The following CTRB2 variants were observed in gnomAD, a reference collection of about 807,000 sequenced individuals.
CTRB2 encodes the protein chymotrypsinogen B2.
A neutral mutation model predicts 19.3 loss-of-function variants in CTRB2; 9 were observed. The observed-to-expected ratio is 0.47, with a 90% CI of 0.28 to 0.81. The LOEUF is 0.81. Ranked by LOEUF, CTRB2 falls within the 40% of genes least tolerant of loss-of-function variation. CTRB2 has a pLI of 0.11. For missense variants in CTRB2, 210 were observed against 269.7 expected (o/e 0.78, Z 1.55); for synonymous variants, 98 against 117.3 (o/e 0.84, Z 1.06).
intron 6 of CTRB2, 33 bp from the exon 7 acceptor site, chr16:75,204,355 G>C (rs76251204): frequency 6.2e-6 from 10 of 1,609,078 alleles, no homozygotes; most frequent in South Asian, 1.1e-5. Flanking sequence ...CTCTAGGCCT[G>C]AAAGGGGTGC....
Position 75,204,129 on chromosome 16 carries a change from A to G in CTRB2, c.*32T>C. The G allele has an allele frequency of 6.2e-7, 1 of 1,613,918 alleles. No individual in the cohort carries two copies. Among genetic ancestry groups the G allele is most frequent in the Non-Finnish European group, 8.5e-7 (1 of 1,179,808 alleles). ...TCTAAACAGATGCATTTAATGGGAA[A>G]TCTTAAGGCAGGGGTGGCAGGAGCT... On this transcript the variant is annotated 3_prime_UTR_variant, in exon 7 of 7. Coordinates refer to ENST00000303037, the MANE Select transcript of CTRB2 (RefSeq NM_001025200.4).
rs1312954938 is a variant in CTRB2, at chr16:75,204,902, G to GT, written c.500dup (p.Asn167LysfsTer5). On this transcript the variant is annotated frameshift_variant, in exon 6 of 7. Transcript: ENST00000303037. LOFTEE classifies it high-confidence loss of function. ...CCTGCTGCAGCTTGTCAGGGGTCTT[G>GT]TTGGCTGCAGGACAGGAGGAGGGTC... 9.4e-7 allele frequency: 1 copy of GT among 1,062,332 alleles called. No homozygotes were observed. The highest frequency in any genetic ancestry group is 1.9e-5 in the African/African-American group (1 of 52,688). The allele number at this position is 1,062,332 out of a possible 1,614,324, so 65.8% of individuals were successfully genotyped here.
chr16:75,204,406 G>A, intron 6 of CTRB2, 84 bp from the exon 7 acceptor site: 2 of 1,365,570 alleles, frequency 1.5e-6, no homozygotes, highest in South Asian at 1.3e-5. Flanking sequence ...TCTAGGGAGG[G>A]GTGCGGAGAA....
intron 1 of CTRB2, 167 bp from the exon 2 acceptor site, chr16:75,206,360 C>T: frequency 1.5e-6 from 1 of 688,016 alleles, no homozygotes. Context: ...GCTGGAATCC[C>T]CAGGTACAAC....
chr16:75,204,404 G>C, intron 6 of CTRB2, 82 bp from the exon 7 acceptor site: 1 of 1,371,354 alleles, frequency 7.3e-7, no homozygotes, highest in Middle Eastern at 1.9e-4. Flanking sequence ...AGTCTAGGGA[G>C]GGGTGCGGAG....
chr16:75,204,942 C>T, intron 5 of CTRB2, 36 bp from the exon 6 acceptor site: 1 of 751,842 alleles, frequency 1.3e-6, no homozygotes, highest in Non-Finnish European at 2.0e-6. Context: ...CCCCTGGGCT[C>T]ACTCAGCCAA....
At chr16:75,206,918 G>C in intron 1 of CTRB2, 172 bp downstream of exon 1, 1 of 648,162 alleles carries the variant, frequency 1.5e-6, no homozygotes, top group South Asian at 1.7e-5. Flanking sequence ...GAGCCTGGGA[G>C]GGAGGCATTG....
Position 75,204,340 on chromosome 16 carries a change from A to G in CTRB2, c.631-18T>C. On this transcript the variant is annotated intron_variant, in intron 6 of 6. Transcript: ENST00000303037. ...GAGTCACCCTGCAGGAAGGAGAGGA[A>G]GTATCTCTAGGCCTGAAAGGGGTGC... is the stretch of plus-strand genomic sequence containing the variant. 5 of 1,613,208 alleles carry G rather than the reference A, an allele frequency of 3.1e-6. No homozygotes were observed. In the South Asian group the frequency reaches 5.5e-5, roughly 18 times the overall value.
intron 6 of CTRB2, 159 bp downstream of exon 6, chr16:75,204,614 C>A: frequency 7.1e-7 from 1 of 1,416,832 alleles, no homozygotes; most frequent in South Asian, 1.4e-5. Flanking sequence ...GCTGCATGGC[C>A]TGGAGGAACC....
At chr16:75,206,625 T>C (rs922400403) in intron 1 of CTRB2, 3 of 303,332 alleles carry the variant, frequency 9.9e-6, no homozygotes, top group Non-Finnish European at 1.9e-5. Flanking sequence ...GCGCCAGCTC[T>C]GCGCCTGGCA....
intron 1 of CTRB2, chr16:75,206,830 C>T (rs2038900313): frequency 9.9e-6 from 5 of 505,778 alleles, no homozygotes; most frequent in East Asian, 3.6e-5. Context: ...CCCGCCTCCT[C>T]CCCTGAGAGC....
intron 6 of CTRB2, 67 bp from the exon 7 acceptor site, chr16:75,204,389 G>T (rs544950243): frequency 1.3e-6 from 2 of 1,487,792 alleles, no homozygotes; most frequent in African/African-American, 1.4e-5. Context: ...ACCCTGACCT[G>T]GTGGAGTCTA....
intron 1 of CTRB2, 137 bp downstream of exon 1, chr16:75,206,953 T>C (rs2038902451): frequency 1.2e-6 from 1 of 823,744 alleles, no homozygotes; most frequent in South Asian, 1.5e-5. Flanking sequence ...ACGGCAGAGA[T>C]GGAGCCGGTG....
At position 75,204,165 on chromosome 16, in the gene CTRB2, T is replaced by C. The variant is rs763672343; in HGVS notation, c.788A>G (p.Asn263Ser). Residue 263 changes from asparagine to serine, a missense_variant, in exon 7 of 7, where the codon AAC (asparagine) becomes AGC (serine). Around this residue, in one of 4 missense-constraint regions of CTRB2, gnomAD observed 120 missense variants for 90.8 expected, o/e 1.32. Coordinates refer to ENST00000303037, the MANE Select transcript of CTRB2 (RefSeq NM_001025200.4). ...IPWVQKILAA[N>S] ...GGGGTGGCAGGAGCTGCGGGCTCAG[T>C]TGGCGGCCAGGATCTTCTGCACCCA... The C allele has an allele frequency of 6.2e-7, 1 of 1,614,118 alleles. No homozygotes were observed. Among genetic ancestry groups the C allele is most frequent in the South Asian group, 1.1e-5 (1 of 91,082 alleles).
intron 6 of CTRB2, among the ~76,000 whole-genome samples, 158 bp from the exon 7 acceptor site, chr16:75,204,480 C>T (rs1396633699): frequency 6.6e-6 from 1 of 152,136 alleles, no homozygotes; most frequent in Non-Finnish European, 1.5e-5. Context: ...TGGCAGCCCC[C>T]ACTCTGCCAT....
At chr16:75,206,763 A>G in intron 1 of CTRB2, 1 of 415,502 alleles carries the variant, frequency 2.4e-6, no homozygotes, top group Non-Finnish European at 4.6e-6. Context: ...GGGGCCGCTG[A>G]CTGTTTGGGG....
chr16:75,204,570 C>T (rs1259119379), intron 6 of CTRB2, among the ~76,000 whole-genome samples: 1 of 152,188 alleles, frequency 6.6e-6, no homozygotes, highest in African/African-American at 2.4e-5. Flanking sequence ...CTCCAGCTCA[C>T]AGGGCTGCAA....
At chr16:75,206,504 G>A in intron 1 of CTRB2, 1 of 465,530 alleles carries the variant, frequency 2.1e-6, no homozygotes, top group Non-Finnish European at 3.8e-6. Context: ...AGACTCTGTG[G>A]GTTTGAACCT....
intron 6 of CTRB2, 91 bp downstream of exon 6, chr16:75,204,682 G>A: frequency 1.3e-6 from 2 of 1,547,804 alleles, no homozygotes; most frequent in African/African-American, 1.4e-5. Context: ...GAGGGTGTGG[G>A]GTTAGTAGAT....
Sources: allele counts gnomAD v4.1 joint callset (sites outside exome capture counted in the v4.1 genomes callset), GRCh38; gene constraint gnomAD v4.1.1; regional missense constraint gnomAD v4.1.1; transcripts MANE v1.5; gene names NCBI Gene and HGNC (gene_info 2026-07-23, HGNC 2026-07-21).